Variants in MAML1 observed in about 807,000 individuals in gnomAD.
MAML1 encodes mastermind-like protein 1.
MAML1 carries 14 observed loss-of-function variants against 77.1 expected under a neutral mutation model. The ratio of observed to expected loss-of-function variants is 0.18; its 90% CI spans 0.12 to 0.28. The LOEUF (loss-of-function observed/expected upper bound fraction) is 0.28, where lower values mean the gene tolerates loss of function less well. Ranked by LOEUF, MAML1 falls within the 10% of genes least tolerant of loss-of-function variation. MAML1 has a pLI of 1.00. For missense variants in MAML1, 1,217 were observed against 1,327.8 expected (o/e 0.92, Z 1.30); for synonymous variants, 516 against 551.9 (o/e 0.93, Z 0.91).
At position 179,752,269 on chromosome 5, in the gene MAML1, T is replaced by C. The variant is rs937342602; in HGVS notation, c.316-13057T>C. 1.5e-4 allele frequency among the ~76,000 whole-genome samples: 20 copies of C among 133,294 alleles called. No individual in the cohort carries two copies. In the South Asian group the frequency reaches 4.0e-3, roughly 26 times the overall value. 87.4% of individuals were successfully genotyped at this position (133,294 alleles called of 152,430 possible). Reference sequence around the variant, plus strand: ...TGAACGCGGGAGGTGGAGGTTGCAGTGAGCCGAGATCGCACCACTGCACTC... The same window carrying C: ...TGAACGCGGGAGGTGGAGGTTGCAGCGAGCCGAGATCGCACCACTGCACTC... On this transcript the variant is annotated intron_variant, in intron 1 of 4. Transcript: ENST00000292599.
chr5:179,766,237 G>A lies in MAML1; in HGVS notation c.1227G>A (p.Glu409=). 1.9e-6 allele frequency: 3 copies of A among 1,613,842 alleles called. No homozygotes were observed. The highest frequency in any genetic ancestry group is 2.2e-5 in the South Asian group (2 of 91,044). Residue 409 remains glutamate (E), a synonymous_variant, in exon 2 of 5, where the codon GAG becomes GAA. Coordinates refer to ENST00000292599, the MANE Select transcript of MAML1 (RefSeq NM_014757.5). This position sits in a 1 kb window ranked among gnomAD's most constrained non-coding sequence, Gnocchi z 4.0. The stretch of plus-strand genomic sequence containing the variant: ...AGATCGCTGCCAAGCAGAAGCGCGA[G>A]CAGATGCTCCAGAACCCACAGCAGG... ...LQQIAAKQKR[E]QMLQNPQQAT... is the part of the protein sequence containing the mutation.
At chr5:179,758,619 G>A (rs1779670254) in intron 1 of MAML1, among the ~76,000 whole-genome samples, 1 of 151,784 alleles carries the variant, frequency 6.6e-6, no homozygotes, top group Admixed American at 6.6e-5. Context: ...TGAACTCCTG[G>A]GTTCAAGTGA....
intron 1 of MAML1, among the ~76,000 whole-genome samples, chr5:179,753,996 A>G (rs1779562790): frequency 6.6e-6 from 1 of 151,678 alleles, no homozygotes; most frequent in Non-Finnish European, 1.5e-5. Context: ...TTAGAATGTA[A>G]AATTGGGCTG....
chr5:179,766,685 C>T lies in MAML1; in HGVS notation c.1675C>T (p.Leu559=). The T allele has an allele frequency of 6.3e-7, 1 of 1,593,072 alleles. No individual in the cohort carries two copies. The highest frequency in any genetic ancestry group is 8.6e-7 in the Non-Finnish European group (1 of 1,169,068). ...HISHEQNSLF[L]MKPKPGNMPF... ...AAGTCACGAGCAGAACTCCCTGTTT[C>T]TGATGAAGCCAAAGCCAGGAAATAT... The change falls in exon 2 of 5, where the codon CTG becomes TTG. Residue 559 remains leucine, a synonymous_variant. Transcript: ENST00000292599. The surrounding 1 kb of genome is among the most constrained non-coding windows in gnomAD (Gnocchi z 4.0).
intron 1 of MAML1, among the ~76,000 whole-genome samples, chr5:179,734,391 A>T (rs868392144): frequency 7.2e-5 from 11 of 152,226 alleles, no homozygotes; most frequent in Middle Eastern, 6.8e-3. Context: ...GCTTGAAAGG[A>T]TGAAGTTCAA....
At chr5:179,746,434 G>A (rs919173862) in intron 1 of MAML1, among the ~76,000 whole-genome samples, 1 of 151,796 alleles carries the variant, frequency 6.6e-6, no homozygotes, top group African/African-American at 2.4e-5. Context: ...GTGCAGTGGC[G>A]TGATCTTGGC....
chr5:179,735,135 T>C lies in MAML1; in HGVS notation c.315+1708T>C, dbSNP rs544537224. ...CACATGTATACGTATGTAACTAACC[T>C]GCACATTGTACACATGTACCCTAAA... On this transcript the variant is annotated intron_variant, in intron 1 of 4. Coordinates refer to ENST00000292599, the MANE Select transcript of MAML1 (RefSeq NM_014757.5). 9.2e-5 allele frequency among the ~76,000 whole-genome samples: 14 copies of C among 152,326 alleles called. No individual in the cohort carries two copies. In the South Asian group the frequency reaches 2.9e-3, roughly 32 times the overall value.
At chr5:179,756,712 T>G (rs1779629587) in intron 1 of MAML1, among the ~76,000 whole-genome samples, 1 of 152,194 alleles carries the variant, frequency 6.6e-6, no homozygotes, top group South Asian at 2.1e-4. Context: ...CGAGAGAGAA[T>G]AGAAACAGAA....
chr5:179,751,704 C>CA (rs1313498048), intron 1 of MAML1, among the ~76,000 whole-genome samples: 2 of 151,368 alleles, frequency 1.3e-5, no homozygotes, highest in South Asian at 2.1e-4. Context: ...GACTCCATCT[C>CA]AAAAAAAGAA....
Position 179,766,269 on chromosome 5 carries a change from C to A in MAML1, c.1259C>A (p.Pro420Gln), listed in dbSNP as rs141578236. 2 of 1,613,710 alleles carry A rather than the reference C, an allele frequency of 1.2e-6. No individual in the cohort carries two copies. Among genetic ancestry groups the A allele is most frequent in the Admixed American group, 3.3e-5 (2 of 59,974 alleles). The change falls in exon 2 of 5, where the codon CCG (proline) becomes CAG (glutamine). Residue 420 changes from proline (P) to glutamine (Q), a missense_variant. By Grantham distance (76) the Pro-to-Gln change is moderately conservative. Around this residue, in one of 3 missense-constraint regions of MAML1, gnomAD observed 884 missense variants for 949.3 expected, o/e 0.93. Coordinates refer to ENST00000292599, the MANE Select transcript of MAML1 (RefSeq NM_014757.5). The surrounding 1 kb of genome is among the most constrained non-coding windows in gnomAD (Gnocchi z 4.0). ...QMLQNPQQAT[P>Q]APAPGQMSTW... ...CTCCAGAACCCACAGCAGGCCACCC[C>A]GGCACCAGCCCCGGGCCAGATGTCC...
At chr5:179,772,858 T>C (rs1395392114) in intron 4 of MAML1, among the ~76,000 whole-genome samples, 5 of 152,120 alleles carry the variant, frequency 3.3e-5, no homozygotes, top group South Asian at 2.1e-4. Flanking sequence ...AGCCACACTC[T>C]CAGTCCAGCC....
chr5:179,753,746 TC>T (rs1308134675), intron 1 of MAML1, among the ~76,000 whole-genome samples: 2 of 138,506 alleles, frequency 1.4e-5, no homozygotes, highest in Non-Finnish European at 3.1e-5. Context: ...CACTGCAACC[TC>T]CGCCTCCCGG....
At chr5:179,757,955 A>G (rs747318863) in intron 1 of MAML1, among the ~76,000 whole-genome samples, 4 of 152,250 alleles carry the variant, frequency 2.6e-5, no homozygotes, top group Non-Finnish European at 5.9e-5. Context: ...ACATAGAACT[A>G]TACACATGCA....
In MAML1 at chr5:179,774,535, A is replaced by G. The variant is rs1756086847; in HGVS notation, c.2709A>G (p.Leu903=). ...MSSAAAVGSL[L]PPVSAQQRTS... ...CAGCAGCTGCCGTGGGGTCCTTGCT[A>G]CCCCCAGTGAGTGCACAGCAGAGGA... Residue 903 remains leucine (L), a synonymous_variant, in exon 5 of 5, where the codon CTA becomes CTG. Transcript: ENST00000292599. 7 of 1,612,832 alleles carry G rather than the reference A, an allele frequency of 4.3e-6. No individual in the cohort carries two copies. The highest frequency in any genetic ancestry group is 5.9e-6 in the Non-Finnish European group (7 of 1,179,926).
In MAML1 at chr5:179,766,669, G is replaced by A. The variant is rs1313252124; in HGVS notation, c.1659G>A (p.Glu553=). The A allele has an allele frequency of 4.4e-6, 7 of 1,604,964 alleles. No homozygotes were observed. In the East Asian group the frequency reaches 1.3e-4, roughly 31 times the overall value. Residue 553 remains glutamate (E), a synonymous_variant, in exon 2 of 5, where the codon GAG becomes GAA. Coordinates refer to ENST00000292599, the MANE Select transcript of MAML1 (RefSeq NM_014757.5). The surrounding 1 kb of genome is among the most constrained non-coding windows in gnomAD (Gnocchi z 4.0). ...AGCAGCTGTCCCATATAAGTCACGAGCAGAACTCCCTGTTTCTGATGAAGC... is the reference window on the plus strand; with the variant it reads ...AGCAGCTGTCCCATATAAGTCACGAACAGAACTCCCTGTTTCTGATGAAGC... The part of the protein sequence containing the change: ...LPQQLSHISH[E]QNSLFLMKPK...
intron 1 of MAML1, among the ~76,000 whole-genome samples, chr5:179,758,315 T>TAATGTCTTTAA (rs1462040239): frequency 6.6e-6 from 1 of 152,134 alleles, no homozygotes; most frequent in African/African-American, 2.4e-5. Flanking sequence ...GTAAGACAAA[T>TAATGTCTTTAA]AATGTCTTTA....
chr5:179,740,348 A>G (rs1294792504), intron 1 of MAML1, among the ~76,000 whole-genome samples: 2 of 152,082 alleles, frequency 1.3e-5, no homozygotes, highest in African/African-American at 2.4e-5. Context: ...TCAGCTCACT[A>G]CAAGCTCCGC....
In MAML1 at chr5:179,769,438, A is replaced by G. The variant is rs892433053; in HGVS notation, c.1971+349A>G. Among the ~76,000 whole-genome samples, 3 of 152,204 alleles carry G rather than the reference A, an allele frequency of 2.0e-5. No individual in the cohort carries two copies. Among genetic ancestry groups the G allele is most frequent in the Non-Finnish European group, 4.4e-5 (3 of 68,034 alleles). On this transcript the variant is annotated intron_variant, in intron 3 of 4. Transcript: ENST00000292599. The surrounding 1 kb of genome is among the most constrained non-coding windows in gnomAD (Gnocchi z 4.2). ...CTATGGAGTCAGCTTTGCTGCCACT[A>G]CAGAGCCTGTTATAAGCCAGAACGT...
chr5:179,766,518 C>G lies in MAML1; in HGVS notation c.1508C>G (p.Ala503Gly). ...QPPSNLNQNS[A>G]NNQGSVLDYG... ...CCGAGTAACTTGAATCAGAACTCCG[C>G]GAATAACCAGGGGTCTGTGCTGGAC... is the stretch of plus-strand genomic sequence containing the variant. Residue 503 changes from alanine to glycine, a missense_variant, in exon 2 of 5, where the codon GCG (alanine) becomes GGG (glycine). Around this residue, in one of 3 missense-constraint regions of MAML1, gnomAD observed 884 missense variants for 949.3 expected, o/e 0.93. Coordinates refer to ENST00000292599, the MANE Select transcript of MAML1 (RefSeq NM_014757.5). The surrounding 1 kb of genome is among the most constrained non-coding windows in gnomAD (Gnocchi z 4.0). The G allele has an allele frequency of 1.9e-6, 3 of 1,602,570 alleles. No homozygotes were observed. The highest frequency in any genetic ancestry group is 1.1e-5 in the South Asian group (1 of 89,660).
Sources: gnomAD v4.1 joint callset for allele counts (sites outside exome capture counted in the v4.1 genomes callset) on GRCh38, gnomAD v4.1.1 for gene constraint, gnomAD v4.1.1 regional missense constraint, Gnocchi (gnomAD v3.1) non-coding constraint, MANE v1.5 for transcripts, NCBI Gene and HGNC (gene_info 2026-07-23, HGNC 2026-07-21) for gene names.